IFT74: variants seen among roughly 807,000 people sequenced by gnomAD.
IFT74 encodes intraflagellar transport protein 74 homolog.
In IFT74, 92 loss-of-function variants were observed where a neutral mutation model predicts 96.7. That is an observed-to-expected ratio of 0.95 (90% CI 0.80 to 1.13). The LOEUF (loss-of-function observed/expected upper bound fraction) is 1.13, where lower values mean the gene tolerates loss of function less well. Among genes scored for constraint, IFT74 ranks in the 50% most tolerant of loss-of-function variants. IFT74 has a pLI of 0.00. For synonymous variants in IFT74, 223 were observed against 213.2 expected (o/e 1.05, Z -0.40); for missense variants, 811 against 698.2 (o/e 1.16, Z -1.82).
At chr9:27,041,390 T>A (rs572729279) in intron 13 of IFT74, among the ~76,000 whole-genome samples, 1 of 152,144 alleles carries the variant, frequency 6.6e-6, no homozygotes, top group Non-Finnish European at 1.5e-5. Flanking sequence ...GAGAATAGGG[T>A]GGAAACTGTC....
Position 27,062,874 on chromosome 9 carries a change from T to C in IFT74, c.*138T>C. On this transcript the variant is annotated 3_prime_UTR_variant, in exon 20 of 20. Coordinates refer to ENST00000380062, the MANE Select transcript of IFT74 (RefSeq NM_025103.4). Reference sequence around the variant, plus strand: ...AATGTTATAATTTTTGTGGCCTCTTTTAAGAATGATATTTTAAAATAGTAA... The same window carrying C: ...AATGTTATAATTTTTGTGGCCTCTTCTAAGAATGATATTTTAAAATAGTAA... 1.7e-6 allele frequency: 1 copy of C among 594,872 alleles called. No individual in the cohort carries two copies. Among genetic ancestry groups the C allele is most frequent in the Non-Finnish European group, 3.0e-6 (1 of 335,096 alleles). The allele number at this position is 594,872 out of a possible 1,614,324, so 36.8% of individuals were successfully genotyped here.
chr9:27,040,495 A>G (rs1375733859), intron 13 of IFT74, among the ~76,000 whole-genome samples: 1 of 143,650 alleles, frequency 7.0e-6, no homozygotes, highest in South Asian at 2.4e-4. Flanking sequence ...GTTGCAGCTG[A>G]GATTGCACCA....
intron 1 of IFT74, chr9:26,947,202 G>T: frequency 1.2e-6 from 1 of 847,742 alleles, no homozygotes; most frequent in Non-Finnish European, 1.7e-6. Context: ...AGGGCGGCTG[G>T]GAAGGGGCGC....
chr9:27,047,218 T>G, intron 14 of IFT74, 56 bp from the exon 15 acceptor site: 1 of 1,035,236 alleles, frequency 9.7e-7, no homozygotes, highest in Non-Finnish European at 1.5e-6. Context: ...CAAATCAGAG[T>G]TTATATAGTG....
At chr9:27,010,199 C>T (rs1828989150) in intron 9 of IFT74, among the ~76,000 whole-genome samples, 1 of 151,804 alleles carries the variant, frequency 6.6e-6, no homozygotes, top group Admixed American at 6.6e-5. Context: ...CCGTGTTAGT[C>T]AGGATGGTCT....
At chr9:27,052,033 A>G (rs1384487569) in intron 16 of IFT74, among the ~76,000 whole-genome samples, 1 of 152,152 alleles carries the variant, frequency 6.6e-6, no homozygotes, top group African/African-American at 2.4e-5. Flanking sequence ...TAAGTTTTTC[A>G]TTTATCTAAA....
chr9:27,037,601 C>T (rs898363710), intron 13 of IFT74, among the ~76,000 whole-genome samples: 1 of 152,208 alleles, frequency 6.6e-6, no homozygotes, highest in African/African-American at 2.4e-5. Flanking sequence ...CTAATACCTA[C>T]ATCCGTAAGA....
At chr9:26,990,522 G>T (rs1021117111) in intron 8 of IFT74, among the ~76,000 whole-genome samples, 5 of 151,974 alleles carry the variant, frequency 3.3e-5, no homozygotes, top group Non-Finnish European at 7.4e-5. Context: ...TTGAATTTTG[G>T]TGTTTCATCC....
Position 27,062,709 on chromosome 9 carries a change from T to A in IFT74, c.1776T>A (p.Asp592Glu), listed in dbSNP as rs766446035. 1 of 1,601,358 alleles carries A rather than the reference T, an allele frequency of 6.2e-7. No homozygotes were observed. Among genetic ancestry groups the A allele is most frequent in the South Asian group, 1.1e-5 (1 of 89,600 alleles). ...QIAEYNKTIV[D>E]ALHSTSGN Reference sequence around the variant, plus strand: ...CAGAGTACAATAAAACCATCGTGGATGCTTTACATAGCACCAGCGGAAACT... The same window carrying A: ...CAGAGTACAATAAAACCATCGTGGAAGCTTTACATAGCACCAGCGGAAACT... The change falls in exon 20 of 20, where the codon GAT becomes GAA. Residue 592 changes from aspartate (D) to glutamate (E), a missense_variant. Asp to Glu is a conservative substitution (Grantham distance 45). Coordinates refer to ENST00000380062, the MANE Select transcript of IFT74 (RefSeq NM_025103.4).
At chr9:27,008,420 C>T (rs573794451) in intron 8 of IFT74, among the ~76,000 whole-genome samples, 98 of 151,634 alleles carry the variant, frequency 6.5e-4, no homozygotes, top group African/African-American at 2.2e-3. Flanking sequence ...TGAAGTGGCG[C>T]GATCTCAGCC....
intron 4 of IFT74, among the ~76,000 whole-genome samples, chr9:26,981,789 A>G (rs1160945386): frequency 7.0e-6 from 1 of 142,806 alleles, no homozygotes; most frequent in African/African-American, 2.7e-5. Flanking sequence ...TTTTTTTGAG[A>G]TAGAGTCTCA....
rs550246902 is a variant in IFT74 at position 27,040,614 on chromosome 9, G to C, written c.1055-4128G>C. ...TTTGCGTGCTTCAGAAGTATTCCAAGTGCTAAGAAACAGTCTGGCTGTGCA... is the reference window on the plus strand; with the variant it reads ...TTTGCGTGCTTCAGAAGTATTCCAACTGCTAAGAAACAGTCTGGCTGTGCA... On this transcript the variant is annotated intron_variant, in intron 13 of 19. Coordinates refer to ENST00000380062, the MANE Select transcript of IFT74 (RefSeq NM_025103.4). Among the ~76,000 whole-genome samples, 5 of 150,010 alleles carry C rather than the reference G, an allele frequency of 3.3e-5. No homozygotes were observed. In the South Asian group the frequency reaches 8.5e-4, roughly 26 times the overall value.
upstream of IFT74, among the ~76,000 whole-genome samples, chr9:26,953,933 A>G (rs942126792): frequency 1.3e-5 from 2 of 152,224 alleles, no homozygotes; most frequent in Non-Finnish European, 2.9e-5. Flanking sequence ...TTCAGTACCA[A>G]GTGGTATCCT....
intron 12 of IFT74, 58 bp downstream of exon 12, chr9:27,018,745 C>G (rs1211646017): frequency 2.2e-5 from 24 of 1,100,132 alleles, no homozygotes; most frequent in Non-Finnish European, 3.1e-5. Context: ...AAATTACATT[C>G]TAAAGGTACA....
chr9:26,988,573 A>G lies in IFT74; in HGVS notation c.466-96A>G, dbSNP rs10967645. On this transcript the variant is annotated intron_variant, in intron 6 of 19. Coordinates refer to ENST00000380062, the MANE Select transcript of IFT74 (RefSeq NM_025103.4). ...AGTATTAATACTTAAGTTACTACTC[A>G]TTATTTGTAAGACTGAATACCTATA... is the stretch of plus-strand genomic sequence containing the variant. 0.14 allele frequency: 161,471 copies of G among 1,141,530 alleles called. 19,911 individuals are homozygous for G. Among genetic ancestry groups the G allele is most frequent in the East Asian group, 0.73 (25,489 of 34,710 alleles). The allele number at this position is 1,141,530 out of a possible 1,614,324, so 70.7% of individuals were successfully genotyped here.
intron 18 of IFT74, among the ~76,000 whole-genome samples, chr9:27,057,940 C>A (rs923544363): frequency 1.3e-5 from 2 of 152,072 alleles, no homozygotes; most frequent in Non-Finnish European, 2.9e-5. Flanking sequence ...ATTTGATTTT[C>A]CACTACATAG....
intron 18 of IFT74, among the ~76,000 whole-genome samples, chr9:27,058,607 C>A (rs192015283): frequency 1.3e-5 from 2 of 150,888 alleles, no homozygotes; most frequent in East Asian, 4.0e-4. Flanking sequence ...AGGCTGGTCT[C>A]GAACTCCTGA....
chr9:26,992,264 T>A (rs1421381450), intron 8 of IFT74, among the ~76,000 whole-genome samples: 1 of 152,224 alleles, frequency 6.6e-6, no homozygotes, highest in Non-Finnish European at 1.5e-5. Flanking sequence ...TGGTTTTTTT[T>A]ATTTAGGAAA....
At chr9:27,036,434 G>T in intron 13 of IFT74, 3 of 1,612,656 alleles carry the variant, frequency 1.9e-6, no homozygotes, top group Non-Finnish European at 2.5e-6. Context: ...TGTACCCACG[G>T]GTTCTTCATC....
Sources: allele counts gnomAD v4.1 joint callset (sites outside exome capture counted in the v4.1 genomes callset), GRCh38; gene constraint gnomAD v4.1.1; transcripts MANE v1.5; gene names NCBI Gene and HGNC (gene_info 2026-07-23, HGNC 2026-07-21).